The following STAU2 variants were observed in gnomAD, a reference collection of about 807,000 sequenced individuals.
STAU2 encodes the protein double-stranded RNA-binding protein Staufen homolog 2.
Under a neutral mutation model 65.9 loss-of-function variants are expected in STAU2, and 20 were observed. The observed-to-expected ratio is 0.30, with a 90% CI of 0.21 to 0.44. The LOEUF is 0.44. Ranked by LOEUF, STAU2 falls within the 20% of genes least tolerant of loss-of-function variation. STAU2 has a pLI of 1.00. For missense variants in STAU2, 558 were observed against 683.9 expected (o/e 0.82, Z 2.05); for synonymous variants, 232 against 233.9 (o/e 0.99, Z 0.07).
chr8:73,657,847 C>G (rs1242893138), intron 6 of STAU2, among the ~76,000 whole-genome samples: 1 of 151,678 alleles, frequency 6.6e-6, no homozygotes, highest in Admixed American at 6.6e-5. Context: ...AACCTTGTCT[C>G]TACTAAAAAT....
At chr8:73,714,681 A>G (rs1821119209) in intron 3 of STAU2, among the ~76,000 whole-genome samples, 1 of 152,254 alleles carries the variant, frequency 6.6e-6, no homozygotes, top group Admixed American at 6.5e-5. Flanking sequence ...ACTGATAGTT[A>G]ACAACATAAA....
chr8:73,550,161 A>G, intron 13 of STAU2: 2 of 985,384 alleles, frequency 2.0e-6, no homozygotes, highest in Middle Eastern at 5.2e-4. Flanking sequence ...AATATTTTAA[A>G]ATCACCTGTT....
At position 73,439,342 on chromosome 8, in the gene STAU2, C is replaced by T. The variant is rs368532768; in HGVS notation, c.1531-16640G>A. The T allele has an allele frequency of 2.8e-4, 80 of 285,864 alleles. 1 individual carries two copies. The highest frequency in any genetic ancestry group is 1.4e-3 in the Admixed American group (30 of 20,700). The allele number at this position is 285,864 out of a possible 1,614,324, so 17.7% of individuals were successfully genotyped here. ...GTTAAGAGGCTAAGATTTGACTGGG[C>T]ATGGTGGCTCATGCCTGTAATCCCA... On this transcript the variant is annotated intron_variant, in intron 13 of 14. Coordinates refer to ENST00000524300, the MANE Select transcript of STAU2 (RefSeq NM_001164380.2).
intron 13 of STAU2, among the ~76,000 whole-genome samples, chr8:73,498,115 G>C (rs1352461622): frequency 6.6e-6 from 1 of 151,768 alleles, no homozygotes; most frequent in Non-Finnish European, 1.5e-5. Context: ...ATTATTTAAT[G>C]AACATTTAGC....
chr8:73,525,431 CT>C (rs981529928), intron 13 of STAU2, among the ~76,000 whole-genome samples: 1 of 151,496 alleles, frequency 6.6e-6, no homozygotes, highest in Non-Finnish European at 1.5e-5. Flanking sequence ...GGAAGAGGCA[CT>C]TTTTTTTTCT....
chr8:73,522,543 A>G (rs1823096245), intron 13 of STAU2, among the ~76,000 whole-genome samples: 1 of 152,164 alleles, frequency 6.6e-6, no homozygotes, highest in Non-Finnish European at 1.5e-5. Flanking sequence ...TAAATCAGTG[A>G]CCTTTGTATG....
intron 13 of STAU2, among the ~76,000 whole-genome samples, chr8:73,423,607 G>A (rs1036867286): frequency 1.3e-5 from 2 of 152,156 alleles, no homozygotes; most frequent in Non-Finnish European, 2.9e-5. Context: ...CTTCTCAGCT[G>A]CCTTTGAAAA....
intron 6 of STAU2, among the ~76,000 whole-genome samples, chr8:73,631,801 C>T (rs149313525): frequency 9.2e-5 from 14 of 152,226 alleles, no homozygotes; most frequent in African/African-American, 3.4e-4. Context: ...GAATAATAAG[C>T]TCCCAGGAAA....
intron 13 of STAU2, among the ~76,000 whole-genome samples, chr8:73,445,067 T>G (rs1029748318): frequency 6.6e-6 from 1 of 152,100 alleles, no homozygotes; most frequent in Non-Finnish European, 1.5e-5. Context: ...ACCTCATGAA[T>G]AAAAAGAGAG....
In STAU2 at chr8:73,709,082, C is replaced by T. The variant is rs901500701; in HGVS notation, c.64G>A (p.Val22Ile). The T allele has an allele frequency of 1.2e-5, 19 of 1,533,276 alleles. No individual in the cohort carries two copies. The highest frequency in any genetic ancestry group is 1.6e-5 in the Non-Finnish European group (18 of 1,144,956). 95.0% of individuals were successfully genotyped at this position (1,533,276 alleles called of 1,614,324 possible). Residue 22 changes from valine (V) to isoleucine (I), a missense_variant, in exon 4 of 15, where the codon GTC becomes ATC. Around this residue, in one of 3 missense-constraint regions of STAU2, gnomAD observed 112 missense variants for 114.2 expected, o/e 0.98. Coordinates refer to ENST00000524300, the MANE Select transcript of STAU2 (RefSeq NM_001164380.2). ...LVNELARFNR[V>I]QPQYKLLNER... ...TTCAGAAGTTTATACTGGGGTTGGA[C>T]TCTATTGAAACGGGCTAACTCATTT...
intron 13 of STAU2, among the ~76,000 whole-genome samples, chr8:73,546,120 T>TTTA (rs1563412722): frequency 2.6e-5 from 3 of 113,736 alleles, no homozygotes; most frequent in African/African-American, 1.0e-4. Context: ...TTTGTTTGGT[T>TTTA]TTCTTTTTTT....
At chr8:73,421,601 T>C (rs1371426247) in intron 14 of STAU2, 136 bp from the exon 15 acceptor site, 1 of 760,948 alleles carries the variant, frequency 1.3e-6, no homozygotes, top group Non-Finnish European at 2.1e-6. Context: ...AATATTTATG[T>C]TCAGATAGTC....
chr8:73,439,635 G>C (rs16938657), intron 13 of STAU2, among the ~76,000 whole-genome samples: 3 of 152,112 alleles, frequency 2.0e-5, no homozygotes, highest in African/African-American at 7.2e-5. Flanking sequence ...AACTCTTACC[G>C]GTCATATGAC....
intron 10 of STAU2, among the ~76,000 whole-genome samples, chr8:73,597,795 C>T (rs1811315463): frequency 6.6e-6 from 1 of 151,248 alleles, no homozygotes; most frequent in Non-Finnish European, 1.5e-5. Flanking sequence ...ACAGAATAAG[C>T]CTAAAGAATA....
At chr8:73,561,604 C>T (rs913454567) in intron 12 of STAU2, 17 of 448,106 alleles carry the variant, frequency 3.8e-5, no homozygotes, top group Admixed American at 2.0e-4. Flanking sequence ...GTGACCTGAT[C>T]TCTCAGCAGG....
chr8:73,468,477 C>T (rs1819787088), intron 13 of STAU2, among the ~76,000 whole-genome samples: 1 of 152,142 alleles, frequency 6.6e-6, no homozygotes, highest in Admixed American at 6.5e-5. Flanking sequence ...AACTAAAGAG[C>T]TTCTGCACAG....
intron 3 of STAU2, among the ~76,000 whole-genome samples, chr8:73,719,603 A>G (rs1370895489): frequency 6.6e-6 from 1 of 152,204 alleles, no homozygotes; most frequent in Non-Finnish European, 1.5e-5. Flanking sequence ...GTTCATTAAT[A>G]TGTTAAATTA....
At chr8:73,453,348 G>A (rs951884237) in intron 13 of STAU2, among the ~76,000 whole-genome samples, 1 of 152,184 alleles carries the variant, frequency 6.6e-6, no homozygotes, top group Non-Finnish European at 1.5e-5. Flanking sequence ...GTATATTCAT[G>A]AACTGGCAAT....
rs1169120965 is a variant in STAU2, at chr8:73,502,208, TATA to T, written c.1530+49801_1530+49803del. On this transcript the variant is annotated intron_variant, in intron 13 of 14. Coordinates refer to ENST00000524300, the MANE Select transcript of STAU2 (RefSeq NM_001164380.2). ...TAAAAAATTATTGATTTGAACCACT[TATA>T]ATGTTACCAATAGAGCATTATTATG... 5.3e-5 allele frequency among the ~76,000 whole-genome samples: 8 copies of T among 151,988 alleles called. No individual in the cohort carries two copies. The East Asian group carries it at 9.7e-4, about 18-fold the overall frequency.
Sources: gnomAD v4.1 joint callset for allele counts (sites outside exome capture counted in the v4.1 genomes callset) on GRCh38, gnomAD v4.1.1 for gene constraint, gnomAD v4.1.1 regional missense constraint, MANE v1.5 for transcripts, NCBI Gene and HGNC (gene_info 2026-07-23, HGNC 2026-07-21) for gene names.